Variants in GRHL1 observed in about 807,000 individuals in gnomAD.
GRHL1 encodes the protein grainyhead like transcription factor 1.
Under a neutral mutation model 75.7 loss-of-function variants are expected in GRHL1, and 38 were observed. The ratio of observed to expected loss-of-function variants is 0.50; its 90% CI spans 0.39 to 0.66. The LOEUF is 0.66. Among genes scored for constraint, GRHL1 ranks in the 30% least tolerant of loss-of-function variants. GRHL1 has a pLI of 0.00. For synonymous variants in GRHL1, 266 were observed against 279.4 expected, an observed-to-expected ratio of 0.95 and a Z score of 0.48; for missense variants, 589 against 767.5, an observed-to-expected ratio of 0.77 and a Z score of 2.75.
chr2:9,978,496 T>A (rs1668047304), intron 8 of GRHL1, among the ~76,000 whole-genome samples: 1 of 152,194 alleles, frequency 6.6e-6, no homozygotes, highest in Non-Finnish European at 1.5e-5. Context: ...AATGGACATT[T>A]GGAGCTGGAT....
chr2:9,962,608 A>C, intron 5 of GRHL1, 77 bp downstream of exon 5: 1 of 853,898 alleles, frequency 1.2e-6, no homozygotes, highest in Admixed American at 1.9e-5. Flanking sequence ...TTGATAAATC[A>C]AAGGTGGCTT....
At chr2:9,977,470 G>T (rs1156928284) in intron 8 of GRHL1, among the ~76,000 whole-genome samples, 1 of 152,124 alleles carries the variant, frequency 6.6e-6, no homozygotes, top group Non-Finnish European at 1.5e-5. Flanking sequence ...ACAGGCATGC[G>T]CCACCTCACT....
intron 12 of GRHL1, among the ~76,000 whole-genome samples, chr2:9,994,553 A>G (rs1211954352): frequency 6.6e-6 from 1 of 152,056 alleles, no homozygotes; most frequent in African/African-American, 2.4e-5. Context: ...CACGTTACCC[A>G]TCGTGCCTCT....
intron 8 of GRHL1, among the ~76,000 whole-genome samples, chr2:9,982,809 T>C (rs1436119007): frequency 6.6e-6 from 1 of 152,236 alleles, no homozygotes; most frequent in Non-Finnish European, 1.5e-5. Context: ...ATATGACTTA[T>C]AAAAAGTTGA....
Position 9,992,216 on chromosome 2 carries a change from AT to A in GRHL1, c.1461+72del. The A allele has an allele frequency of 1.3e-6, 2 of 1,493,906 alleles. No homozygotes were observed. The highest frequency in any genetic ancestry group is 1.8e-6 in the Non-Finnish European group (2 of 1,089,782). The allele number at this position is 1,493,906 out of a possible 1,614,324, so 92.5% of individuals were successfully genotyped here. A position where few individuals can be genotyped will look rare whatever the true frequency, so the allele number is the denominator to read the frequency against. ...TGGCAAAAGGAAATTCTTTGGCATT[AT>A]TCATGGGAAACAGAAGCCAAAATTG... On this transcript the variant is annotated intron_variant, in intron 11 of 15. Coordinates refer to ENST00000324907, the MANE Select transcript of GRHL1 (RefSeq NM_198182.3). The surrounding 1 kb of genome is among the most constrained non-coding windows in gnomAD (Gnocchi z 4.6).
chr2:9,964,492 G>A (rs1485025498), intron 7 of GRHL1, 146 bp downstream of exon 7: 3 of 588,252 alleles, frequency 5.1e-6, no homozygotes, highest in East Asian at 2.9e-5. Flanking sequence ...CACTGTCCTC[G>A]GCCTCCTGGA....
At chr2:9,986,819 A>G (rs1206802965) in intron 9 of GRHL1, among the ~76,000 whole-genome samples, 1 of 152,056 alleles carries the variant, frequency 6.6e-6, no homozygotes, top group Non-Finnish European at 1.5e-5. Context: ...CGATCCCCCA[A>G]ACTCAGTCTC....
chr2:9,988,821 A>C (rs938716028), intron 9 of GRHL1, among the ~76,000 whole-genome samples: 1 of 152,074 alleles, frequency 6.6e-6, no homozygotes, highest in Non-Finnish European at 1.5e-5. Context: ...TTGTTGTTTC[A>C]GGGTGGAGGG....
At chr2:9,963,827 T>C (rs1245700217) in intron 5 of GRHL1, 59 bp from the exon 6 acceptor site, 2 of 1,164,442 alleles carry the variant, frequency 1.7e-6, no homozygotes, top group East Asian at 2.4e-5. Flanking sequence ...TATAATATGA[T>C]GTATAGCAAG....
chr2:9,971,929 G>A (rs1667741895), intron 8 of GRHL1, among the ~76,000 whole-genome samples: 1 of 152,102 alleles, frequency 6.6e-6, no homozygotes, highest in South Asian at 2.1e-4. Context: ...GTTGGACTTT[G>A]GCTTGAAAAC....
intron 8 of GRHL1, among the ~76,000 whole-genome samples, 159 bp from the exon 9 acceptor site, chr2:9,985,951 TTTAAAATAAACCCC>T (rs1185523751): frequency 6.6e-6 from 1 of 152,216 alleles, no homozygotes; most frequent in African/African-American, 2.4e-5. Flanking sequence ...CAAAAGCAGT[TTTAAAATAAACCCC>T]TGATCACCTC....
chr2:9,970,033 C>T (rs950535281), intron 8 of GRHL1, among the ~76,000 whole-genome samples: 22 of 152,020 alleles, frequency 1.4e-4, no homozygotes, highest in Admixed American at 7.9e-4. Flanking sequence ...TTAGTAGAGA[C>T]GGGGTTTCAC....
chr2:9,992,799 C>T lies in GRHL1; in HGVS notation c.1462-408C>T, dbSNP rs1012393738. ...AGAGTTCTTGGGGCCATGGCCAGTA[C>T]ATTTAGTTTCTAATGGGAAGCTGGA... On this transcript the variant is annotated intron_variant, in intron 11 of 15. Coordinates refer to ENST00000324907, the MANE Select transcript of GRHL1 (RefSeq NM_198182.3). This position sits in a 1 kb window ranked among gnomAD's most constrained non-coding sequence, Gnocchi z 4.6. 2.6e-5 allele frequency among the ~76,000 whole-genome samples: 4 copies of T among 152,144 alleles called. No individual in the cohort carries two copies. In the South Asian group the frequency reaches 6.2e-4, roughly 24 times the overall value.
rs748401658 is a variant in GRHL1, at chr2:9,996,299, G to C, written c.1592-17G>C. On this transcript the variant is annotated splice_polypyrimidine_tract_variant and intron_variant, in intron 13 of 15. Transcript: ENST00000324907. ...CCTCTCTTTTCCCTTCCTTATTCCT[G>C]GTTGGGGATTGATTAGTGCTGCTCT... 6.3e-7 allele frequency: 1 copy of C among 1,578,192 alleles called. No homozygotes were observed. Among genetic ancestry groups the C allele is most frequent in the Non-Finnish European group, 8.7e-7 (1 of 1,147,338 alleles).
At chr2:9,996,166 A>C (rs890801667) in intron 13 of GRHL1, 150 bp from the exon 14 acceptor site, 6 of 702,896 alleles carry the variant, frequency 8.5e-6, no homozygotes, top group Non-Finnish European at 1.5e-5. Context: ...TTAAGACAGA[A>C]TTGATATTGG....
rs774929670 is a variant in GRHL1 at position 10,000,641 on chromosome 2, G to A, written c.1791G>A (p.Glu597=). The A allele has an allele frequency of 6.2e-7, 1 of 1,613,592 alleles. No individual in the cohort carries two copies. Among genetic ancestry groups the A allele is most frequent in the Non-Finnish European group, 8.5e-7 (1 of 1,179,638 alleles). Reference sequence around the variant, plus strand: ...ACATTGTGAAGCATTACTCCAATGAGGACACCTTCCAGCTGCAGATTGAAG... The same window carrying A: ...ACATTGTGAAGCATTACTCCAATGAAGACACCTTCCAGCTGCAGATTGAAG... ...DDNIVKHYSN[E]DTFQLQIEEA... Residue 597 remains glutamate (E), a synonymous_variant, in exon 16 of 16, where the codon GAG becomes GAA. Transcript: ENST00000324907.
At position 10,000,815 on chromosome 2, in the gene GRHL1, T is replaced by C. The variant is rs1300133460; in HGVS notation, c.*108T>C. ...CAGCCATGTCGCCAGCACAGGTCTA[T>C]GTCGAGGGAATGGGTTCCTTGCAGG... On this transcript the variant is annotated 3_prime_UTR_variant, in exon 16 of 16. Coordinates refer to ENST00000324907, the MANE Select transcript of GRHL1 (RefSeq NM_198182.3). 4 of 622,794 alleles carry C rather than the reference T, an allele frequency of 6.4e-6. No homozygotes were observed. The highest frequency in any genetic ancestry group is 1.2e-5 in the Non-Finnish European group (4 of 346,578). 38.6% of individuals were successfully genotyped at this position (622,794 alleles called of 1,614,324 possible).
chr2:9,954,890 TG>T (rs765687457), intron 1 of GRHL1, 24 bp from the exon 2 acceptor site: 9 of 1,587,768 alleles, frequency 5.7e-6, no homozygotes, highest in South Asian at 3.3e-5. Context: ...TGTGTGTTTT[TG>T]TTTTTTTTTT....
chr2:9,990,563 G>GAAT lies in GRHL1; in HGVS notation c.1270-131_1270-129dup, dbSNP rs1162037647. 6.2e-6 allele frequency: 3 copies of GAAT among 480,846 alleles called. No homozygotes were observed. The East Asian group carries it at 9.7e-5, about 16-fold the overall frequency. The allele number at this position is 480,846 out of a possible 1,614,324, so 29.8% of individuals were successfully genotyped here. ...AAGAAACTACTATGATAAGCCTCAT[G>GAAT]AATATAGTAAGTAATGGGGTTCCTG... On this transcript the variant is annotated intron_variant, in intron 9 of 15. Transcript: ENST00000324907. The surrounding 1 kb of genome is among the most constrained non-coding windows in gnomAD (Gnocchi z 4.2).
Sources: gnomAD v4.1 joint callset for allele counts (sites outside exome capture counted in the v4.1 genomes callset) on GRCh38, gnomAD v4.1.1 for gene constraint, Gnocchi (gnomAD v3.1) non-coding constraint, MANE v1.5 for transcripts, NCBI Gene and HGNC (gene_info 2026-07-23, HGNC 2026-07-21) for gene names.